The following GOLGA8S variants were observed in gnomAD, a reference collection of about 807,000 sequenced individuals.
The protein encoded by GOLGA8S is golgin A8 family member S, also known as golgin subfamily A member 8S.
GOLGA8S carries 23 observed loss-of-function variants against 58.9 expected under a neutral mutation model. The ratio of observed to expected loss-of-function variants is 0.39; its 90% CI spans 0.28 to 0.55. The LOEUF is 0.55. GOLGA8S is among the 20% of genes least tolerant of loss of function. The pLI, the probability that GOLGA8S is intolerant of heterozygous loss-of-function variation, is 0.63. For synonymous variants in GOLGA8S, 84 were observed against 195.7 expected (o/e 0.43, Z 4.76); for missense variants, 266 against 514.2 (o/e 0.52, Z 4.67).
downstream of GOLGA8S, chr15:23,366,267 T>C (rs1004472784): frequency 7.7e-3 from 1,163 of 151,352 alleles, 21 homozygotes; most frequent in African/African-American, 0.026. Context: ...CGGAGATTCT[T>C]TGAGGCTTGA....
At position 23,364,558 on chromosome 15, in the gene GOLGA8S, G is replaced by A. The variant is rs1263425952; in HGVS notation, c.1481G>A (p.Gly494Asp). The A allele has an allele frequency of 5.7e-6, 9 of 1,588,316 alleles. 1 individual carries two copies. The highest frequency in any genetic ancestry group is 1.7e-5 in the Admixed American group (1 of 59,524). Residue 494 changes from glycine (G) to aspartate (D), a missense_variant, in exon 17 of 19, where the codon GGC becomes GAC. By Grantham distance (94) the Gly-to-Asp change is moderately conservative. This residue lies in a region of GOLGA8S where 88 missense variants were observed against 77.7 expected (regional missense o/e 1.13). Transcript: ENST00000562295. ...CATCACCTTTTATCAGAACCAGGGG[G>A]CCGTGCCAAAGATGCGGCACTGGGA...
chr15:23,365,456 T>G, downstream of GOLGA8S: 1 of 454,480 alleles, frequency 2.2e-6, no homozygotes, highest in Non-Finnish European at 4.0e-6. Flanking sequence ...TGCCCAAAAC[T>G]GTTCTCGCTG....
exon 13 of GOLGA8S, chr15:23,361,730 G>C (rs2141026516): frequency 1.4e-6 from 1 of 712,216 alleles, no homozygotes; most frequent in Admixed American, 2.0e-5. Context: ...CCAGAACAAT[G>C]AGAACAAGAG....
chr15:23,364,225 C>A (rs1333805952), intron 15 of GOLGA8S, 118 bp from the exon 16 acceptor site: 1 of 1,502,896 alleles, frequency 6.7e-7, no homozygotes, highest in Non-Finnish European at 9.0e-7. Context: ...CTGGGCCCTG[C>A]AGGAAGTCAC....
In GOLGA8S at chr15:23,364,881, A is replaced by G; in HGVS notation, c.1702+7A>G. On this transcript the variant is annotated splice_region_variant and intron_variant, in intron 18 of 18. Transcript: ENST00000562295. ...GCTGCAGACAAGCATGGTGGTGAGT[A>G]GAGCCCTCAGGTGGGGTGGGCAGGC... 1.3e-6 allele frequency: 2 copies of G among 1,496,522 alleles called. No individual in the cohort carries two copies. The highest frequency in any genetic ancestry group is 2.0e-5 in the Admixed American group (1 of 50,418). 92.7% of individuals were successfully genotyped at this position (1,496,522 alleles called of 1,614,324 possible). A position where few individuals can be genotyped will look rare whatever the true frequency, so the allele number is the denominator to read the frequency against.
chr15:23,365,587 C>T (rs2069907248), downstream of GOLGA8S: 1 of 275,054 alleles, frequency 3.6e-6, no homozygotes, highest in Non-Finnish European at 7.0e-6. Context: ...ACAGTGAGCT[C>T]TTCGTTAGCT....
exon 19 of GOLGA8S, chr15:23,365,133 A>G (rs2069899441): frequency 6.3e-7 from 1 of 1,587,252 alleles, no homozygotes; most frequent in Non-Finnish European, 8.5e-7. Context: ...AGAAGGAGAT[A>G]AACATCACCA....
At chr15:23,365,603 T>G, downstream of GOLGA8S, 2 of 274,378 alleles carry the variant, frequency 7.3e-6, no homozygotes, top group South Asian at 4.0e-5. Flanking sequence ...TAGCTCAATA[T>G]GTAGTTTGCC....
exon 18 of GOLGA8S, chr15:23,364,773 A>G (rs2069887922): frequency 6.6e-7 from 1 of 1,516,090 alleles, no homozygotes; most frequent in South Asian, 1.2e-5. Flanking sequence ...AACTACAACA[A>G]TGGGCACAGA....
chr15:23,362,547 AC>A (rs2069820270), intron 13 of GOLGA8S, among the ~76,000 whole-genome samples: 1 of 130,314 alleles, frequency 7.7e-6, no homozygotes. Flanking sequence ...ATGAGATAAT[AC>A]ATGGGAAGCA....
At position 23,363,784 on chromosome 15, in the gene GOLGA8S, C is replaced by G; in HGVS notation, c.1347+15C>G. The G allele has an allele frequency of 1.7e-6, 1 of 588,344 alleles. No homozygotes were observed. Among genetic ancestry groups the G allele is most frequent in the Admixed American group, 3.5e-5 (1 of 28,730 alleles). 36.4% of individuals were successfully genotyped at this position (588,344 alleles called of 1,614,324 possible). The stretch of plus-strand genomic sequence containing the variant: ...GGGAGGCCATGGTGAGCCTGACTCC[C>G]CCTGCACCCATTTTGCCACCTTTCT... On this transcript the variant is annotated intron_variant, in intron 15 of 18. Transcript: ENST00000562295.
At chr15:23,364,601 T>C in exon 17 of GOLGA8S, 1 of 1,513,014 alleles carries the variant, frequency 6.6e-7, no homozygotes. Context: ...ACCATCAGGC[T>C]GGAGCTCAGG....
At chr15:23,361,544 T>C in intron 12 of GOLGA8S, 88 bp downstream of exon 12, 1 of 673,210 alleles carries the variant, frequency 1.5e-6, no homozygotes, top group Non-Finnish European at 2.7e-6. Flanking sequence ...AGTGTAGCCC[T>C]CAAGTGAAAT....
At position 23,364,181 on chromosome 15, in the gene GOLGA8S, G is replaced by C. The variant is rs556654903; in HGVS notation, c.1348-162G>C. On this transcript the variant is annotated intron_variant, in intron 15 of 18. Transcript: ENST00000562295. ...GCAGCCAGAGGCCCTGGAGCCCCAG[G>C]GCCTGGGGGCGAGTCTGTGAGTGGG... Among the ~76,000 whole-genome samples, 9 of 144,162 alleles carry C rather than the reference G, an allele frequency of 6.2e-5. 3 individuals are homozygous for C. The South Asian group carries it at 1.8e-3, about 29-fold the overall frequency. The allele number at this position is 144,162 out of a possible 152,430, so 94.6% of individuals were successfully genotyped here.
Position 23,361,415 on chromosome 15 carries a change from C to T in GOLGA8S, c.1069C>T (p.Leu357Phe), listed in dbSNP as rs762262390. The T allele has an allele frequency of 2.2e-5, 20 of 895,732 alleles. 1 individual carries two copies. In the African/African-American group the frequency reaches 2.6e-4, roughly 12 times the overall value. 55.5% of individuals were successfully genotyped at this position (895,732 alleles called of 1,614,324 possible). ...GAGGCTTCCAGAGCAGGAGGAGAGG[C>T]TTCAGCAGCTGGCCGAGCCACAGAA... Residue 357 changes from leucine to phenylalanine, a missense_variant, in exon 12 of 19, where the codon CTT becomes TTT. Physicochemically the swap from Leu to Phe is conservative, Grantham distance 22 (BLOSUM62 0). Coordinates refer to ENST00000562295, the Ensembl canonical transcript of GOLGA8S.
chr15:23,368,140 G>C (rs978326865), downstream of GOLGA8S, among the ~76,000 whole-genome samples: 3 of 151,886 alleles, frequency 2.0e-5, no homozygotes, highest in Non-Finnish European at 4.4e-5. Context: ...AGCAGAGAAA[G>C]AAATGCCAAT....
chr15:23,365,388 A>C (rs188816490), downstream of GOLGA8S: 25 of 601,800 alleles, frequency 4.2e-5, no homozygotes, highest in Middle Eastern at 2.3e-3. Context: ...GGTCATTAGC[A>C]TGCATATCGA....
intron 1 of GOLGA8S, among the ~76,000 whole-genome samples, chr15:23,356,333 T>C (rs1204624076): frequency 7.1e-6 from 1 of 140,704 alleles, no homozygotes; most frequent in East Asian, 2.2e-4. Context: ...CAGCTGATGA[T>C]TCTTGGTAAA....
intron 13 of GOLGA8S, among the ~76,000 whole-genome samples, chr15:23,362,637 G>T (rs1490587188): frequency 7.1e-6 from 1 of 140,112 alleles, no homozygotes; most frequent in African/African-American, 2.7e-5. Context: ...AGTTGAAATG[G>T]TGGGAAGAGG....
Sources: gnomAD v4.1 joint callset for allele counts (sites outside exome capture counted in the v4.1 genomes callset) on GRCh38, gnomAD v4.1.1 for gene constraint, gnomAD v4.1.1 regional missense constraint, MANE v1.5 for transcripts, NCBI Gene and HGNC (gene_info 2026-07-23, HGNC 2026-07-21) for gene names.